MTOR: variants seen among roughly 807,000 people sequenced by gnomAD.
MTOR encodes mechanistic target of rapamycin kinase, also known as serine/threonine-protein kinase mTOR.
Under a neutral mutation model 319.8 loss-of-function variants are expected in MTOR, and 70 were observed. The observed-to-expected ratio is 0.22, with a 90% CI of 0.18 to 0.27. MTOR has a LOEUF of 0.27. MTOR is among the 10% of genes least tolerant of loss of function. MTOR has a pLI of 1.00. For synonymous variants in MTOR, 1,183 were observed against 1,211.4 expected (o/e 0.98, Z 0.49); for missense variants, 1,890 against 3,274.4 (o/e 0.58, Z 10.32).
chr1:11,240,883 T>G (rs1370353354), intron 10 of MTOR, among the ~76,000 whole-genome samples: 2 of 152,138 alleles, frequency 1.3e-5, no homozygotes, highest in Non-Finnish European at 1.5e-5. Context: ...CTTAAGCAAC[T>G]TGCTCAATAA....
rs745947879 is a variant in MTOR at position 11,232,451 on chromosome 1, C to A, written c.2499G>T (p.Leu833Phe). 18 of 1,613,836 alleles carry A rather than the reference C, an allele frequency of 1.1e-5. No individual in the cohort carries two copies. The South Asian group carries it at 1.4e-4, about 13-fold the overall frequency. Residue 833 changes from leucine to phenylalanine, a missense_variant, in exon 16 of 58, where the codon TTG becomes TTT. Leu to Phe is a conservative substitution (Grantham distance 22). Transcript: ENST00000361445. ...IIMDMLQDSS[L>F]LAKRQVALWT... ...TAATACTCACCTGCCTTTTGGCCAACAAAGAGGAATCCTGGAGCATGTCCA... is the reference window on the plus strand; with the variant it reads ...TAATACTCACCTGCCTTTTGGCCAAAAAAGAGGAATCCTGGAGCATGTCCA...
intron 29 of MTOR, among the ~76,000 whole-genome samples, chr1:11,159,500 G>A (rs951782194): frequency 5.9e-5 from 9 of 152,118 alleles, no homozygotes; most frequent in African/African-American, 2.2e-4. Context: ...AATTAGCTGA[G>A]CGTGGTGGTG....
At position 11,247,867 on chromosome 1, in the gene MTOR, C is replaced by G; in HGVS notation, c.1068G>C (p.Leu356=). The change falls in exon 7 of 58, where the codon CTG becomes CTC. Residue 356 remains leucine (L), a synonymous_variant. Transcript: ENST00000361445. The stretch of plus-strand genomic sequence containing the variant: ...AGTCTCTGCAACACCGGCTCTCCAC[C>G]AGGGTGGACTTAGCTGGACTGGGGG... The part of the protein sequence containing the change: ...GTSPSPAKST[L]VESRCCRDLM... 1 of 1,614,138 alleles carries G rather than the reference C, an allele frequency of 6.2e-7. No individual in the cohort carries two copies. Among genetic ancestry groups the G allele is most frequent in the Non-Finnish European group, 8.5e-7 (1 of 1,180,004 alleles).
intron 28 of MTOR, among the ~76,000 whole-genome samples, chr1:11,169,890 C>T (rs1241182904): frequency 1.3e-5 from 2 of 152,200 alleles, no homozygotes; most frequent in Non-Finnish European, 2.9e-5. Flanking sequence ...TGCTAAAACA[C>T]AGTGATATGC....
At chr1:11,250,007 G>A (rs1157182273) in intron 6 of MTOR, among the ~76,000 whole-genome samples, 6 of 145,290 alleles carry the variant, frequency 4.1e-5, no homozygotes, top group Admixed American at 4.1e-4. Context: ...GGGCAGAGGC[G>A]CCCCTCACCT....
At chr1:11,232,314 C>G (rs1385072559) in intron 16 of MTOR, 122 bp downstream of exon 16, 1 of 595,264 alleles carries the variant, frequency 1.7e-6, no homozygotes, top group African/African-American at 1.8e-5. Context: ...TATTTTTGAG[C>G]ACCTACTATG....
At chr1:11,130,880 C>G (rs1265107986) in intron 38 of MTOR, 103 bp from the exon 39 acceptor site, 116 of 1,417,204 alleles carry the variant, frequency 8.2e-5, no homozygotes, top group Non-Finnish European at 9.9e-5. Flanking sequence ...CCTGCCTGTT[C>G]TGTGTGTCCA....
chr1:11,254,454 CATA>C (rs1343622047), intron 5 of MTOR, among the ~76,000 whole-genome samples: 2 of 152,044 alleles, frequency 1.3e-5, no homozygotes, highest in Non-Finnish European at 2.9e-5. Flanking sequence ...CTTCAATTCT[CATA>C]ATAAGCCTTT....
intron 30 of MTOR, among the ~76,000 whole-genome samples, chr1:11,153,586 T>C (rs1386054519): frequency 6.6e-6 from 1 of 152,234 alleles, no homozygotes; most frequent in Admixed American, 6.5e-5. Context: ...TTTGAAATAA[T>C]GTGAATAATT....
Position 11,184,603 on chromosome 1 carries a change from C to A in MTOR, c.4253+14655G>T, listed in dbSNP as rs537733337. ...AAAAACAGGCAGGCGTGTTGGTGTG[C>A]GCTTGTATTCCCAGCTACTTTGGAG... On this transcript the variant is annotated intron_variant, in intron 28 of 57. Transcript: ENST00000361445. Among the ~76,000 whole-genome samples, 3 of 152,118 alleles carry A rather than the reference C, an allele frequency of 2.0e-5. No homozygotes were observed. The East Asian group carries it at 5.8e-4, about 29-fold the overall frequency.
intron 28 of MTOR, among the ~76,000 whole-genome samples, chr1:11,180,509 A>G (rs1331740244): frequency 2.6e-5 from 4 of 152,132 alleles, no homozygotes; most frequent in African/African-American, 9.7e-5. Flanking sequence ...TAACATTCTT[A>G]AAGAATGACC....
intron 4 of MTOR, 24 bp from the exon 5 acceptor site, chr1:11,256,216 A>G (rs752454501): frequency 6.2e-7 from 1 of 1,604,120 alleles, no homozygotes; most frequent in Non-Finnish European, 8.5e-7. Context: ...CAAACCGAGA[A>G]CTCTCATTGG....
At chr1:11,148,224 A>G (rs1644001631) in intron 31 of MTOR, among the ~76,000 whole-genome samples, 1 of 152,156 alleles carries the variant, frequency 6.6e-6, no homozygotes, top group East Asian at 1.9e-4. Context: ...TGCAAAGCAG[A>G]AATCTGGAAA....
At chr1:11,125,239 T>C (rs1015092651) in intron 46 of MTOR, among the ~76,000 whole-genome samples, 1 of 152,176 alleles carries the variant, frequency 6.6e-6, no homozygotes, top group African/African-American at 2.4e-5. Flanking sequence ...CGCTCCTTGT[T>C]GATTCTCTTA....
intron 9 of MTOR, among the ~76,000 whole-genome samples, chr1:11,242,500 CAAAAAAAAAAAAA>C (rs70977555): frequency 5.7e-5 from 3 of 52,632 alleles, no homozygotes; most frequent in Non-Finnish European, 9.4e-5. Flanking sequence ...GACTCCATCT[CAAAAAAAAAAAAA>C]AAAAAAAAAA....
intron 5 of MTOR, 75 bp downstream of exon 5, chr1:11,255,917 T>C: frequency 8.6e-6 from 12 of 1,390,638 alleles, no homozygotes; most frequent in South Asian, 1.3e-5. Flanking sequence ...CAAGGGCTTG[T>C]GGCTGCCCTT....
intron 52 of MTOR, 24 bp from the exon 53 acceptor site, chr1:11,114,477 AC>A: frequency 6.2e-7 from 1 of 1,613,300 alleles, no homozygotes. Context: ...AGAGCCACTC[AC>A]CACAGGAGTT....
intron 46 of MTOR, 54 bp from the exon 47 acceptor site, chr1:11,124,687 G>A (rs2100383765): frequency 6.4e-7 from 1 of 1,568,934 alleles, no homozygotes; most frequent in Non-Finnish European, 8.7e-7. Context: ...CAGCTCTTCA[G>A]CTGAGAGCAC....
At chr1:11,148,214 T>C (rs1318413711) in intron 31 of MTOR, among the ~76,000 whole-genome samples, 1 of 152,072 alleles carries the variant, frequency 6.6e-6, no homozygotes, top group Non-Finnish European at 1.5e-5. Flanking sequence ...AGGCTGAGCA[T>C]GCAAAGCAGA....
Sources: gnomAD v4.1 joint callset for allele counts (sites outside exome capture counted in the v4.1 genomes callset) on GRCh38, gnomAD v4.1.1 for gene constraint, MANE v1.5 for transcripts, NCBI Gene and HGNC (gene_info 2026-07-23, HGNC 2026-07-21) for gene names.